GRM8: variants seen among roughly 807,000 people sequenced by gnomAD.
GRM8 encodes the protein glutamate metabotropic receptor 8, also known as metabotropic glutamate receptor 8.
Under a neutral mutation model 87.2 loss-of-function variants are expected in GRM8, and 47 were observed. That is an observed-to-expected ratio of 0.54 (90% CI 0.43 to 0.69). The LOEUF (loss-of-function observed/expected upper bound fraction) is 0.69, where lower values mean the gene tolerates loss of function less well. GRM8 is among the 30% of genes least tolerant of loss of function. The pLI is 0.00. For missense variants in GRM8, 1,019 were observed against 1,139.2 expected (o/e 0.89, Z 1.52); for synonymous variants, 396 against 404.5 (o/e 0.98, Z 0.25).
intron 2 of GRM8, among the ~76,000 whole-genome samples, chr7:127,110,673 C>T (rs932502425): frequency 3.3e-5 from 5 of 151,950 alleles, no homozygotes; most frequent in East Asian, 1.9e-4. Context: ...TTAGGAAAAA[C>T]GCTTTTTCTT....
At chr7:126,669,157 G>A (rs1404026537) in intron 7 of GRM8, among the ~76,000 whole-genome samples, 4 of 152,014 alleles carry the variant, frequency 2.6e-5, no homozygotes, top group Non-Finnish European at 4.4e-5. Flanking sequence ...TCACACACCC[G>A]GGCCTGTTGG....
At chr7:126,990,751 T>G (rs1351425210) in intron 3 of GRM8, among the ~76,000 whole-genome samples, 6 of 152,334 alleles carry the variant, frequency 3.9e-5, no homozygotes, top group South Asian at 2.1e-4. Flanking sequence ...ATAGCATTGT[T>G]GTGAAAAATA....
intron 3 of GRM8, among the ~76,000 whole-genome samples, chr7:126,973,594 T>C (rs1309511571): frequency 1.3e-5 from 2 of 152,174 alleles, no homozygotes; most frequent in African/African-American, 4.8e-5. Context: ...GTCAACATAT[T>C]TATAACCAAT....
intron 2 of GRM8, among the ~76,000 whole-genome samples, chr7:127,191,058 A>AC (rs1321113845): frequency 6.6e-6 from 1 of 152,240 alleles, no homozygotes. Flanking sequence ...AGATTAAAAA[A>AC]TTATTTCAGT....
At chr7:127,073,297 G>C (rs757711701) in intron 3 of GRM8, among the ~76,000 whole-genome samples, 1 of 152,172 alleles carries the variant, frequency 6.6e-6, no homozygotes, top group Non-Finnish European at 1.5e-5. Flanking sequence ...ACAGAAGAGC[G>C]GAGTAATGGT....
At chr7:127,081,687 A>G (rs1171979068) in intron 3 of GRM8, among the ~76,000 whole-genome samples, 1 of 152,174 alleles carries the variant, frequency 6.6e-6, no homozygotes, top group Non-Finnish European at 1.5e-5. Context: ...GTGAGTCTGG[A>G]GCTCAGATGA....
At chr7:126,828,647 T>A (rs1795055550) in intron 6 of GRM8, among the ~76,000 whole-genome samples, 1 of 152,218 alleles carries the variant, frequency 6.6e-6, no homozygotes, top group African/African-American at 2.4e-5. Context: ...TGTTGATCCT[T>A]TCAAAAAACC....
At chr7:127,156,128 G>A (rs1792713856) in intron 2 of GRM8, among the ~76,000 whole-genome samples, 1 of 152,188 alleles carries the variant, frequency 6.6e-6, no homozygotes, top group Non-Finnish European at 1.5e-5. Context: ...AAGCAAGCGT[G>A]GAAGAAAAGT....
intron 3 of GRM8, among the ~76,000 whole-genome samples, chr7:127,005,571 C>A (rs2132065146): frequency 6.6e-6 from 1 of 151,794 alleles, no homozygotes; most frequent in Non-Finnish European, 1.5e-5. Flanking sequence ...CTCTGCCAAG[C>A]ATGATTCTAT....
intron 3 of GRM8, among the ~76,000 whole-genome samples, chr7:126,992,844 T>C (rs1812805488): frequency 1.3e-5 from 2 of 151,978 alleles, no homozygotes; most frequent in Non-Finnish European, 2.9e-5. Flanking sequence ...TGTGTGTGTG[T>C]GTGTGTGTGT....
chr7:126,540,893 G>A (rs998915655), intron 8 of GRM8, among the ~76,000 whole-genome samples: 1 of 152,202 alleles, frequency 6.6e-6, no homozygotes, highest in Non-Finnish European at 1.5e-5. Context: ...TGCATACTTT[G>A]AAAGAGATCA....
intron 6 of GRM8, among the ~76,000 whole-genome samples, chr7:126,787,920 C>G (rs1226048919): frequency 6.6e-6 from 1 of 151,980 alleles, no homozygotes; most frequent in East Asian, 1.9e-4. Flanking sequence ...CGTTTGTGAT[C>G]CGTTTCATTC....
At position 127,243,327 on chromosome 7, in the gene GRM8, T is replaced by C; in HGVS notation, c.-123A>G. The C allele has an allele frequency of 1.2e-6, 1 of 808,658 alleles. No homozygotes were observed. Among genetic ancestry groups the C allele is most frequent in the Non-Finnish European group, 1.9e-6 (1 of 514,772 alleles). 50.1% of individuals were successfully genotyped at this position (808,658 alleles called of 1,614,324 possible). A position where few individuals can be genotyped will look rare whatever the true frequency, so the allele number is the denominator to read the frequency against. On this transcript the variant is annotated 5_prime_UTR_variant, in exon 2 of 11. Coordinates refer to ENST00000339582, the MANE Select transcript of GRM8 (RefSeq NM_000845.3). The stretch of plus-strand genomic sequence containing the variant: ...CAGGGCCCATGGGGAAAAGGCTCTG[T>C]GGGCATTAGCAAGTTTTCTTGATTT...
chr7:126,690,076 G>A (rs1318478689), intron 7 of GRM8, among the ~76,000 whole-genome samples: 1 of 152,186 alleles, frequency 6.6e-6, no homozygotes, highest in Non-Finnish European at 1.5e-5. Flanking sequence ...TTGGAGCTGG[G>A]AATTGCTTCT....
chr7:127,032,128 T>C (rs1817439425), intron 3 of GRM8, among the ~76,000 whole-genome samples: 1 of 152,170 alleles, frequency 6.6e-6, no homozygotes, highest in South Asian at 2.1e-4. Context: ...ACCTATTCTT[T>C]TACTATTCCT....
chr7:126,647,316 TAGATAGATAGATAGATAGATAG>T (rs59838919), intron 7 of GRM8, among the ~76,000 whole-genome samples: 45,876 of 127,882 alleles, frequency 0.36, 7,918 homozygotes, highest in East Asian at 0.5. Flanking sequence ...GATAGATAGA[TAGATAGATAGATAGATAGATAG>T]ATAGATATAG....
intron 6 of GRM8, among the ~76,000 whole-genome samples, chr7:126,829,073 G>T (rs2130364395): frequency 6.6e-6 from 1 of 152,060 alleles, no homozygotes; most frequent in East Asian, 1.9e-4. Context: ...GAGATAGTTT[G>T]TTATAATTTC....
At chr7:126,836,094 A>T (rs931610335) in intron 6 of GRM8, among the ~76,000 whole-genome samples, 1 of 152,186 alleles carries the variant, frequency 6.6e-6, no homozygotes, top group Admixed American at 6.5e-5. Context: ...AGGAAAAAAA[A>T]TCTCAAAATA....
At chr7:126,593,837 G>T (rs1003079450) in intron 8 of GRM8, among the ~76,000 whole-genome samples, 2 of 152,014 alleles carry the variant, frequency 1.3e-5, no homozygotes, top group Non-Finnish European at 2.9e-5. Flanking sequence ...GAAAATATCT[G>T]TACATTATAC....
Sources: gnomAD v4.1 joint callset for allele counts (sites outside exome capture counted in the v4.1 genomes callset) on GRCh38, gnomAD v4.1.1 for gene constraint, MANE v1.5 for transcripts, NCBI Gene and HGNC (gene_info 2026-07-23, HGNC 2026-07-21) for gene names.